HNRNPM: variants seen among roughly 807,000 people sequenced by gnomAD.
The protein encoded by HNRNPM is CEA receptor.
HNRNPM carries 11 observed loss-of-function variants against 73.1 expected under a neutral mutation model. The ratio of observed to expected loss-of-function variants is 0.15; its 90% CI spans 0.09 to 0.25. HNRNPM has a LOEUF of 0.25. Ranked by LOEUF, HNRNPM falls within the 10% of genes least tolerant of loss-of-function variation. The pLI is 1.00. For synonymous variants in HNRNPM, 407 were observed against 355.2 expected, an observed-to-expected ratio of 1.15 and a Z score of -1.64; for missense variants, 789 against 1,067.9, an observed-to-expected ratio of 0.74 and a Z score of 3.64.
chr19:8,466,107 G>A, intron 6 of HNRNPM, 128 bp from the exon 7 acceptor site: 2 of 860,894 alleles, frequency 2.3e-6, no homozygotes, highest in Non-Finnish European at 3.6e-6. Flanking sequence ...CATTGCAGTT[G>A]ATTAGTTTTT....
chr19:8,467,044 C>T (rs1969805056), intron 7 of HNRNPM, among the ~76,000 whole-genome samples: 2 of 150,614 alleles, frequency 1.3e-5, no homozygotes, highest in Admixed American at 6.7e-5. Flanking sequence ...CTTATAGGAC[C>T]TCACTCTTTC....
chr19:8,462,409 T>G lies in HNRNPM; in HGVS notation c.284-120T>G. 1.2e-6 allele frequency: 1 copy of G among 842,938 alleles called. No individual in the cohort carries two copies. The highest frequency in any genetic ancestry group is 2.0e-6 in the Non-Finnish European group (1 of 487,972). 52.2% of individuals were successfully genotyped at this position (842,938 alleles called of 1,614,324 possible). On this transcript the variant is annotated intron_variant, in intron 2 of 15. Transcript: ENST00000325495. This position sits in a 1 kb window ranked among gnomAD's most constrained non-coding sequence, Gnocchi z 4.5. ...CGGTGGTTTAGAGAATATGGAGTGT[T>G]TCTGGGCTTTCTTATAAGGCAGAGG...
chr19:8,447,325 C>T (rs1968266207), intron 1 of HNRNPM, among the ~76,000 whole-genome samples: 1 of 149,732 alleles, frequency 6.7e-6, no homozygotes, highest in African/African-American at 2.4e-5. Context: ...CTTTTGCACT[C>T]CATGCAGAGT....
chr19:8,460,571 T>G (rs1969332390), intron 2 of HNRNPM, among the ~76,000 whole-genome samples: 1 of 152,256 alleles, frequency 6.6e-6, no homozygotes, highest in Admixed American at 6.5e-5. Context: ...TCCTAATTTC[T>G]AAACCTCTCT....
chr19:8,473,345 CAGCT>C (rs1568286027), intron 10 of HNRNPM, among the ~76,000 whole-genome samples: 1 of 152,086 alleles, frequency 6.6e-6, no homozygotes, highest in Non-Finnish European at 1.5e-5. Context: ...CCTGTAATCT[CAGCT>C]AGTCGGGAGG....
In HNRNPM at chr19:8,445,065, G is replaced by T. The variant is rs748196985; in HGVS notation, c.67G>T (p.Gly23Cys). The T allele has an allele frequency of 4.2e-6, 6 of 1,422,470 alleles. No individual in the cohort carries two copies. The African/African-American group carries it at 6.0e-5, about 14-fold the overall frequency. The allele number at this position is 1,422,470 out of a possible 1,614,324, so 88.1% of individuals were successfully genotyped here. ...ATEIKMEEES[G>C]APGVPSGNGA... ...GGAGATCAAAATGGAGGAAGAGAGC[G>T]GCGCGCCCGGCGTGCCGAGCGGCAA... is the stretch of plus-strand genomic sequence containing the variant. The change falls in exon 1 of 16, where the codon GGC becomes TGC. Residue 23 changes from glycine (G) to cysteine (C), a missense_variant. Gly to Cys is a radical substitution (Grantham distance 159). Transcript: ENST00000325495.
chr19:8,451,245 G>A (rs1968599442), intron 1 of HNRNPM, among the ~76,000 whole-genome samples: 1 of 152,010 alleles, frequency 6.6e-6, no homozygotes, highest in Admixed American at 6.6e-5. Flanking sequence ...TTTCCACCAT[G>A]TTGGCCAGGC....
chr19:8,466,539 T>C, intron 7 of HNRNPM, 151 bp downstream of exon 7: 1 of 860,736 alleles, frequency 1.2e-6, no homozygotes. Context: ...AGAGGTTCTC[T>C]GGGCCGGACC....
At position 8,468,820 on chromosome 19, in the gene HNRNPM, C is replaced by T; in HGVS notation, c.881C>T (p.Pro294Leu). Residue 294 changes from proline to leucine, a missense_variant, in exon 9 of 16, where the codon CCA (proline) becomes CTA (leucine). This residue lies in a region of HNRNPM where 604 missense variants were observed against 744.0 expected (regional missense o/e 0.81). Coordinates refer to ENST00000325495, the MANE Select transcript of HNRNPM (RefSeq NM_005968.5). The part of the protein sequence containing the change: ...PKGDFFPPER[P>L]QQLPHGLGGI... ...GGAGATTTCTTCCCTCCTGAGCGTC[C>T]ACAACAACTTCCCCGTAAGTGTTTC... 6.2e-7 allele frequency: 1 copy of T among 1,613,156 alleles called. No homozygotes were observed.
At chr19:8,472,067 A>G (rs775354537) in intron 10 of HNRNPM, among the ~76,000 whole-genome samples, 1 of 151,316 alleles carries the variant, frequency 6.6e-6, no homozygotes, top group Non-Finnish European at 1.5e-5. Flanking sequence ...GTTACTCAAG[A>G]GGCTGAGGCA....
intron 1 of HNRNPM, among the ~76,000 whole-genome samples, chr19:8,454,371 C>T (rs1417063720): frequency 6.6e-6 from 1 of 152,196 alleles, no homozygotes; most frequent in Non-Finnish European, 1.5e-5. Flanking sequence ...GCATAATGCC[C>T]TCAAGGTTCA....
chr19:8,483,301 C>G (rs766760888), intron 13 of HNRNPM, 90 bp downstream of exon 13: 220 of 938,526 alleles, frequency 2.3e-4, no homozygotes, highest in Admixed American at 2.0e-4. Flanking sequence ...AGTGCGGGTT[C>G]TGACACAGAC....
intron 12 of HNRNPM, among the ~76,000 whole-genome samples, chr19:8,478,385 T>G (rs1970663732): frequency 6.6e-6 from 1 of 152,126 alleles, no homozygotes; most frequent in Non-Finnish European, 1.5e-5. Context: ...AGGGTGATTT[T>G]TCCACAGAGA....
At chr19:8,483,514 C>T (rs960036124) in intron 13 of HNRNPM, among the ~76,000 whole-genome samples, 5 of 152,224 alleles carry the variant, frequency 3.3e-5, no homozygotes, top group Admixed American at 2.6e-4. Context: ...TGTTAGAGTA[C>T]CTCTCTTTTG....
At chr19:8,466,212 T>C (rs1371624120) in intron 6 of HNRNPM, 23 bp from the exon 7 acceptor site, 1 of 1,601,820 alleles carries the variant, frequency 6.2e-7, no homozygotes, top group South Asian at 1.1e-5. Flanking sequence ...ATTGAGGTTT[T>C]TACCCCGTTC....
chr19:8,455,944 C>CTTT (rs369296420), intron 2 of HNRNPM, among the ~76,000 whole-genome samples: 29,039 of 134,196 alleles, frequency 0.22, 3,834 homozygotes, highest in Admixed American at 0.31. Context: ...CCTTTCTTTC[C>CTTT]TTTTTTTTTT....
At chr19:8,453,066 T>G (rs1287930016) in intron 1 of HNRNPM, among the ~76,000 whole-genome samples, 4 of 152,140 alleles carry the variant, frequency 2.6e-5, no homozygotes, top group Non-Finnish European at 4.4e-5. Flanking sequence ...TGGGTTTAAG[T>G]AAGATTCTCC....
intron 12 of HNRNPM, among the ~76,000 whole-genome samples, chr19:8,475,598 A>G (rs1970445133): frequency 6.6e-6 from 1 of 152,212 alleles, no homozygotes; most frequent in Non-Finnish European, 1.5e-5. Context: ...TGCCCTCTTC[A>G]TGGGTGCCTT....
chr19:8,455,862 C>T (rs1205484019), intron 2 of HNRNPM, among the ~76,000 whole-genome samples: 2 of 149,044 alleles, frequency 1.3e-5, no homozygotes, highest in Non-Finnish European at 3.0e-5. Flanking sequence ...AATAAGGCTT[C>T]GATTAGGCTT....
Sources: gnomAD v4.1 joint callset for allele counts (sites outside exome capture counted in the v4.1 genomes callset) on GRCh38, gnomAD v4.1.1 for gene constraint, gnomAD v4.1.1 regional missense constraint, Gnocchi (gnomAD v3.1) non-coding constraint, MANE v1.5 for transcripts, NCBI Gene and HGNC (gene_info 2026-07-23, HGNC 2026-07-21) for gene names.